Variants in TRPA1 observed in about 807,000 individuals in gnomAD.
TRPA1 encodes the protein transient receptor potential cation channel subfamily A member 1, also known as ankyrin-like with transmembrane domains 1.
Under a neutral mutation model 131.3 loss-of-function variants are expected in TRPA1, and 129 were observed. The ratio of observed to expected loss-of-function variants is 0.98; its 90% CI spans 0.85 to 1.14. The LOEUF is 1.14. Ranked by LOEUF, TRPA1 falls within the 50% of genes most tolerant of loss-of-function variation. The probability of loss-of-function intolerance (pLI) is 0.00; values close to 1 mark genes in which losing one functional copy is unlikely to be tolerated. For missense variants in TRPA1, 1,304 were observed against 1,354.2 expected, an observed-to-expected ratio of 0.96 and a Z score of 0.58; for synonymous variants, 441 against 451.7, an observed-to-expected ratio of 0.98 and a Z score of 0.30.
At chr8:72,088,983 G>T in the TRPA1 span, among the ~76,000 whole-genome samples, 2 of 152,106 alleles carry the variant, frequency 1.3e-5, no homozygotes, top group Non-Finnish European at 2.9e-5. Flanking sequence ...AATTAAGTTG[G>T]CCTCCAGACA....
intron 25 of TRPA1, among the ~76,000 whole-genome samples, chr8:72,024,402 A>G (rs1811509640): frequency 6.6e-6 from 1 of 152,212 alleles, no homozygotes; most frequent in African/African-American, 2.4e-5. Context: ...GGTCAAGGGC[A>G]GGTGTGAAAT....
intron 17 of TRPA1, among the ~76,000 whole-genome samples, chr8:72,042,430 T>C (rs1454014510): frequency 6.6e-6 from 1 of 151,908 alleles, no homozygotes; most frequent in Non-Finnish European, 1.5e-5. Context: ...TTGGTGAGCA[T>C]GCTGAGAAAC....
chr8:72,045,936 T>G (rs1407839802), intron 17 of TRPA1, among the ~76,000 whole-genome samples: 1 of 152,070 alleles, frequency 6.6e-6, no homozygotes, highest in East Asian at 1.9e-4. Context: ...CTGCTTCCAA[T>G]GGGGTTCATT....
chr8:72,034,313 T>C lies in TRPA1; in HGVS notation c.2620A>G (p.Thr874Ala). The C allele has an allele frequency of 6.3e-7, 1 of 1,596,590 alleles. No homozygotes were observed. Among genetic ancestry groups the C allele is most frequent in the South Asian group, 1.1e-5 (1 of 87,638 alleles). The change falls in exon 22 of 27, where the codon ACA becomes GCA. Residue 874 changes from threonine to alanine, a missense_variant. Physicochemically the swap from Thr to Ala is moderately conservative, Grantham distance 58. Transcript: ENST00000262209. ...EVILKTLLRSTVVFIFLLLAF... is the reference protein window; with the variant it reads ...EVILKTLLRSAVVFIFLLLAF... ...AGAAGAAGGAAGATAAATACAACTG[T>C]AGACCTCAACAAAGTTTTCAAAATT... is the stretch of plus-strand genomic sequence containing the variant.
chr8:72,026,516 A>C lies in TRPA1; in HGVS notation c.2938-443T>G, dbSNP rs570149108. Among the ~76,000 whole-genome samples, 475 of 152,338 alleles carry C rather than the reference A, an allele frequency of 3.1e-3. 6 individuals carry two copies. Among genetic ancestry groups the C allele is most frequent in the African/African-American group, 0.011 (457 of 41,586 alleles). On this transcript the variant is annotated intron_variant, in intron 24 of 26. Transcript: ENST00000262209. ...CACGTGCACACATGTATACACATCT[A>C]GGGCAGGAGAGAAGAAGGAGTGCTT...
At chr8:72,062,122 T>C (rs1183471504) in intron 6 of TRPA1, 6 of 271,306 alleles carry the variant, frequency 2.2e-5, no homozygotes, top group East Asian at 1.7e-4. Flanking sequence ...CATACCACCA[T>C]TGGCAGCTCT....
At chr8:72,023,994 A>G in intron 25 of TRPA1, 83 bp from the exon 26 acceptor site, 2 of 886,856 alleles carry the variant, frequency 2.3e-6, no homozygotes, top group Non-Finnish European at 3.8e-6. Flanking sequence ...TTCAACCACC[A>G]CTGGTACCAA....
intron 2 of TRPA1, among the ~76,000 whole-genome samples, chr8:72,070,894 C>T (rs1376321053): frequency 1.3e-5 from 2 of 152,198 alleles, no homozygotes; most frequent in Non-Finnish European, 2.9e-5. Flanking sequence ...CTCACTGTGA[C>T]CAAATCTCAT....
intron 23 of TRPA1, among the ~76,000 whole-genome samples, chr8:72,031,276 C>T (rs10100108): frequency 0.37 from 56,719 of 151,918 alleles, 11,103 homozygotes; most frequent in East Asian, 0.55. Flanking sequence ...TACATTGACC[C>T]CCATCAAAAC....
At chr8:72,039,960 A>G (rs903151734) in intron 17 of TRPA1, among the ~76,000 whole-genome samples, 163 bp from the exon 18 acceptor site, 2 of 152,130 alleles carry the variant, frequency 1.3e-5, no homozygotes, top group Admixed American at 1.3e-4. Context: ...GTTTTAAAAA[A>G]CACAAATTAG....
chr8:72,088,630 C>T, the TRPA1 span, among the ~76,000 whole-genome samples: 1 of 152,042 alleles, frequency 6.6e-6, no homozygotes, highest in Admixed American at 6.6e-5. Flanking sequence ...ACTCATCAAG[C>T]TGTGTCTTTA....
intron 20 of TRPA1, among the ~76,000 whole-genome samples, chr8:72,036,862 G>A (rs1387708601): frequency 6.6e-6 from 1 of 152,080 alleles, no homozygotes; most frequent in East Asian, 1.9e-4. Flanking sequence ...AAAAAGGTTT[G>A]GGACATGCAC....
In TRPA1 at chr8:72,026,143, C is replaced by T. The variant is rs554432800; in HGVS notation, c.2938-70G>A. 6.8e-6 allele frequency: 8 copies of T among 1,181,044 alleles called. No homozygotes were observed. The African/African-American group carries it at 1.2e-4, about 18-fold the overall frequency. The allele number at this position is 1,181,044 out of a possible 1,614,324, so 73.2% of individuals were successfully genotyped here. Reference sequence around the variant, plus strand: ...ATGGAATTTTTATATGGCACAGAGGCAATCATTAATACAGCAAAATGAAAA... The same window carrying T: ...ATGGAATTTTTATATGGCACAGAGGTAATCATTAATACAGCAAAATGAAAA... On this transcript the variant is annotated intron_variant, in intron 24 of 26. Transcript: ENST00000262209.
chr8:72,022,228 C>T lies in TRPA1; in HGVS notation c.*678G>A, dbSNP rs1178449108. 6.5e-6 allele frequency: 1 copy of T among 154,032 alleles called. No individual in the cohort carries two copies. Among genetic ancestry groups the T allele is most frequent in the East Asian group, 1.9e-4 (1 of 5,228 alleles). The allele number at this position is 154,032 out of a possible 1,614,324, so 9.5% of individuals were successfully genotyped here. A position where few individuals can be genotyped will look rare whatever the true frequency, so the allele number is the denominator to read the frequency against. The stretch of plus-strand genomic sequence containing the variant: ...ATATAGGTTTTACATTTATTATGCT[C>T]ATTGGCAAACAAAACCAGAAACAAC... On this transcript the variant is annotated 3_prime_UTR_variant, in exon 27 of 27. Transcript: ENST00000262209.
intron 24 of TRPA1, among the ~76,000 whole-genome samples, chr8:72,028,474 C>T (rs1811684171): frequency 6.6e-6 from 1 of 152,180 alleles, no homozygotes. Flanking sequence ...CCTGTTAAAT[C>T]CCAACCATCT....
Position 72,038,907 on chromosome 8 carries a change from G to T in TRPA1, c.2253C>A (p.Ile751=). 1.2e-6 allele frequency: 2 copies of T among 1,612,802 alleles called. No homozygotes were observed. Among genetic ancestry groups the T allele is most frequent in the Non-Finnish European group, 1.7e-6 (2 of 1,179,282 alleles). The stretch of plus-strand genomic sequence containing the variant: ...CTGAATGATCACTAGTTTCATTGAT[G>T]ATGCCAGTTGAGTTGAAAGCCATTC... ...KPGMAFNSTG[I]INETSDHSEI... is the part of the protein sequence containing the mutation. The change falls in exon 19 of 27, where the codon ATC becomes ATA. Residue 751 remains isoleucine, a synonymous_variant. Coordinates refer to ENST00000262209, the MANE Select transcript of TRPA1 (RefSeq NM_007332.3).
At chr8:72,066,552 A>C (rs1805936112) in intron 3 of TRPA1, among the ~76,000 whole-genome samples, 2 of 152,224 alleles carry the variant, frequency 1.3e-5, no homozygotes. Context: ...CAAATGAATT[A>C]GGTTTATTAA....
At chr8:72,039,895 A>G in intron 17 of TRPA1, 98 bp from the exon 18 acceptor site, 2 of 840,892 alleles carry the variant, frequency 2.4e-6, no homozygotes, top group South Asian at 2.9e-5. Context: ...TGTGTTTGGT[A>G]TTGTAAAAGT....
chr8:72,071,826 A>T lies in TRPA1; in HGVS notation c.153T>A (p.Asn51Lys). ...EGSAYGLQNF[N>K]KQKKLKRCDD... ...CACATCTTTTTAATTTCTTTTGCTTATTAAAGTTTTGTAATCCATATGCAC... is the reference window on the plus strand; with the variant it reads ...CACATCTTTTTAATTTCTTTTGCTTTTTAAAGTTTTGTAATCCATATGCAC... The change falls in exon 2 of 27, where the codon AAT becomes AAA. Residue 51 changes from asparagine to lysine, a missense_variant. Transcript: ENST00000262209. The T allele has an allele frequency of 6.2e-7, 1 of 1,612,740 alleles. No individual in the cohort carries two copies. The highest frequency in any genetic ancestry group is 8.5e-7 in the Non-Finnish European group (1 of 1,179,812).
Sources: gnomAD v4.1 joint callset for allele counts (sites outside exome capture counted in the v4.1 genomes callset) on GRCh38, gnomAD v4.1.1 for gene constraint, MANE v1.5 for transcripts, NCBI Gene and HGNC (gene_info 2026-07-23, HGNC 2026-07-21) for gene names.